Variants in RNGTT observed in about 807,000 individuals in gnomAD.
RNGTT encodes RNA guanylyltransferase and 5'-phosphatase.
RNGTT carries 33 observed loss-of-function variants against 79.3 expected under a neutral mutation model. That is an observed-to-expected ratio of 0.42 (90% CI 0.32 to 0.56). RNGTT has a LOEUF of 0.56. RNGTT is among the 20% of genes least tolerant of loss of function. The probability of loss-of-function intolerance (pLI) is 0.17; values close to 1 mark genes in which losing one functional copy is unlikely to be tolerated. For missense variants in RNGTT, 497 were observed against 739.1 expected (o/e 0.67, Z 3.80); for synonymous variants, 222 against 235.9 (o/e 0.94, Z 0.54).
chr6:88,703,352 T>C (rs1384205147), intron 13 of RNGTT, among the ~76,000 whole-genome samples: 1 of 152,178 alleles, frequency 6.6e-6, no homozygotes, highest in Non-Finnish European at 1.5e-5. Flanking sequence ...ACATACACCA[T>C]GGAATACTAC....
intron 14 of RNGTT, among the ~76,000 whole-genome samples, chr6:88,661,183 G>C (rs773026477): frequency 2.0e-5 from 3 of 152,122 alleles, no homozygotes; most frequent in Non-Finnish European, 4.4e-5. Flanking sequence ...TAAGAGGAAA[G>C]TTCATAGCAT....
At chr6:88,739,549 T>C (rs988225769) in intron 13 of RNGTT, among the ~76,000 whole-genome samples, 2 of 151,832 alleles carry the variant, frequency 1.3e-5, no homozygotes, top group Non-Finnish European at 2.9e-5. Context: ...AGAGAGCTTT[T>C]GCTTTTAGGA....
chr6:88,859,581 TC>T (rs1285540304), intron 8 of RNGTT, among the ~76,000 whole-genome samples: 1 of 152,126 alleles, frequency 6.6e-6, no homozygotes, highest in Non-Finnish European at 1.5e-5. Context: ...TGAACAGGTG[TC>T]CAATAGAGGA....
At chr6:88,761,580 C>T (rs1778257735) in intron 13 of RNGTT, among the ~76,000 whole-genome samples, 1 of 152,146 alleles carries the variant, frequency 6.6e-6, no homozygotes, top group Non-Finnish European at 1.5e-5. Flanking sequence ...AATACTACTA[C>T]AACCATGTAC....
chr6:88,833,622 CTA>C lies in RNGTT; in HGVS notation c.1269+10733_1269+10734del, dbSNP rs562402063. 1.5e-3 allele frequency among the ~76,000 whole-genome samples: 226 copies of C among 152,278 alleles called. 2 individuals carry two copies. Among genetic ancestry groups the C allele is most frequent in the Admixed American group, 4.8e-3 (73 of 15,298 alleles). Reference sequence around the variant, plus strand: ...CTGAATGTGAATACAGTCATGTGATCTATGTCAATCCTATGGCTTTGTTAACC... The same window carrying C: ...CTGAATGTGAATACAGTCATGTGATCTGTCAATCCTATGGCTTTGTTAACC... On this transcript the variant is annotated intron_variant, in intron 11 of 15. Coordinates refer to ENST00000369485, the MANE Select transcript of RNGTT (RefSeq NM_003800.5).
At chr6:88,652,216 T>G (rs968274061) in intron 14 of RNGTT, among the ~76,000 whole-genome samples, 1 of 152,128 alleles carries the variant, frequency 6.6e-6, no homozygotes, top group African/African-American at 2.4e-5. Context: ...AGTAAAACTG[T>G]CAATATCCAA....
chr6:88,810,093 A>T (rs190983116), intron 11 of RNGTT, among the ~76,000 whole-genome samples: 14 of 152,316 alleles, frequency 9.2e-5, no homozygotes, highest in Admixed American at 5.2e-4. Flanking sequence ...AATAAAAAAA[A>T]TTAAGAAAAA....
At chr6:88,764,800 A>G (rs536512999) in intron 13 of RNGTT, among the ~76,000 whole-genome samples, 1 of 152,312 alleles carries the variant, frequency 6.6e-6, no homozygotes, top group African/African-American at 2.4e-5. Flanking sequence ...AAAGAGTTGT[A>G]CCAACTTCTG....
intron 13 of RNGTT, among the ~76,000 whole-genome samples, chr6:88,692,983 A>T (rs1775535809): frequency 6.6e-6 from 1 of 152,078 alleles, no homozygotes; most frequent in African/African-American, 2.4e-5. Context: ...GAGATGCAGC[A>T]AAAGCAGTTC....
At chr6:88,736,651 T>G (rs1219087898) in intron 13 of RNGTT, among the ~76,000 whole-genome samples, 2 of 152,196 alleles carry the variant, frequency 1.3e-5, no homozygotes, top group Non-Finnish European at 2.9e-5. Context: ...AAATTCTGTC[T>G]GTTCATATTT....
intron 13 of RNGTT, among the ~76,000 whole-genome samples, chr6:88,716,970 A>T (rs1776540002): frequency 1.3e-5 from 2 of 152,046 alleles, no homozygotes; most frequent in African/African-American, 4.8e-5. Flanking sequence ...AGTATAATTA[A>T]AAAAAATGTA....
chr6:88,864,557 C>T (rs570450931), intron 8 of RNGTT, among the ~76,000 whole-genome samples: 1 of 152,152 alleles, frequency 6.6e-6, no homozygotes, highest in South Asian at 2.1e-4. Context: ...TGTAACTTTG[C>T]ACAAGTTACT....
chr6:88,799,182 T>C (rs1317349364), intron 12 of RNGTT, among the ~76,000 whole-genome samples: 34 of 151,870 alleles, frequency 2.2e-4, no homozygotes, highest in Non-Finnish European at 2.9e-5. Context: ...ATAGCATTCA[T>C]TGAGAAAGTG....
At chr6:88,710,203 TCAAA>T (rs952701238) in intron 13 of RNGTT, among the ~76,000 whole-genome samples, 3 of 152,272 alleles carry the variant, frequency 2.0e-5, no homozygotes, top group South Asian at 2.1e-4. Context: ...TCCCTGTCTC[TCAAA>T]CAAACAAACA....
chr6:88,758,333 T>C (rs978813874), intron 13 of RNGTT, among the ~76,000 whole-genome samples: 2 of 152,158 alleles, frequency 1.3e-5, no homozygotes, highest in African/African-American at 4.8e-5. Context: ...CTGAATACAC[T>C]CCAGTGCCCG....
At chr6:88,847,733 A>G (rs1344789620) in intron 10 of RNGTT, among the ~76,000 whole-genome samples, 4 of 152,076 alleles carry the variant, frequency 2.6e-5, no homozygotes, top group African/African-American at 9.6e-5. Flanking sequence ...AACAAAAAGT[A>G]TAATATTTGG....
At chr6:88,832,600 A>G (rs1339018264) in intron 11 of RNGTT, among the ~76,000 whole-genome samples, 2 of 152,228 alleles carry the variant, frequency 1.3e-5, no homozygotes, top group African/African-American at 4.8e-5. Context: ...TAATTAAACT[A>G]AAGAGCTTGT....
At chr6:88,867,547 A>G (rs1440782442) in intron 8 of RNGTT, among the ~76,000 whole-genome samples, 3 of 152,024 alleles carry the variant, frequency 2.0e-5, no homozygotes, top group Non-Finnish European at 2.9e-5. Flanking sequence ...CAAAAAAAGC[A>G]AAAGAATTTT....
intron 6 of RNGTT, among the ~76,000 whole-genome samples, chr6:88,900,554 T>C (rs1783415732): frequency 6.6e-6 from 1 of 151,352 alleles, no homozygotes; most frequent in African/African-American, 2.4e-5. Context: ...GCCAACATGG[T>C]GAAACCCCAT....
Sources: gnomAD v4.1 joint callset for allele counts (sites outside exome capture counted in the v4.1 genomes callset) on GRCh38, gnomAD v4.1.1 for gene constraint, MANE v1.5 for transcripts, NCBI Gene and HGNC (gene_info 2026-07-23, HGNC 2026-07-21) for gene names.